Variants in DNAH2 observed in about 807,000 individuals in gnomAD.
DNAH2 encodes dynein axonemal heavy chain 2, also known as axonemal beta dynein heavy chain 2.
In DNAH2, 323 loss-of-function variants were observed where a neutral mutation model predicts 523.5. That is an observed-to-expected ratio of 0.62 (90% CI 0.56 to 0.68). The LOEUF (loss-of-function observed/expected upper bound fraction) is 0.68. DNAH2 is among the 30% of genes least tolerant of loss of function. DNAH2 has a pLI of 0.00. For synonymous variants in DNAH2, 2,093 were observed against 2,177.4 expected (o/e 0.96, Z 1.08); for missense variants, 4,907 against 5,701.5 (o/e 0.86, Z 4.49).
At chr17:7,752,196 A>C (rs1231673191) in intron 12 of DNAH2, among the ~76,000 whole-genome samples, 3 of 28,020 alleles carry the variant, frequency 1.1e-4, no homozygotes, top group African/African-American at 1.2e-4. Flanking sequence ...CACACACACA[A>C]TTTCTGATTA....
chr17:7,788,044 G>T lies in DNAH2; in HGVS notation c.6742-42G>T, dbSNP rs773252389. 5.0e-6 allele frequency: 8 copies of T among 1,613,350 alleles called. No homozygotes were observed. The Admixed American group carries it at 8.3e-5, about 17-fold the overall frequency. On this transcript the variant is annotated intron_variant, in intron 43 of 85. Coordinates refer to ENST00000572933, the MANE Select transcript of DNAH2 (RefSeq NM_020877.5). ...GGGAAAGTAACCAGGGTGGCTCCAG[G>T]ACACAAGGGTGAATGAAGAGCCCCT...
At chr17:7,805,434 A>G (rs776437075) in intron 61 of DNAH2, 41 bp downstream of exon 61, 3 of 1,612,874 alleles carry the variant, frequency 1.9e-6, no homozygotes, top group Non-Finnish European at 2.5e-6. Context: ...CCACTCACCC[A>G]GTGTTTATTG....
intron 50 of DNAH2, 68 bp from the exon 51 acceptor site, chr17:7,797,101 CAAAAAAA>C: frequency 4.6e-6 from 4 of 876,578 alleles, no homozygotes; most frequent in South Asian, 1.7e-5. Flanking sequence ...GACTCTGTCC[CAAAAAAA>C]AAAAAAAAAA....
At chr17:7,759,216 T>G in intron 15 of DNAH2, 92 bp downstream of exon 15, 7 of 1,554,062 alleles carry the variant, frequency 4.5e-6, no homozygotes, top group Non-Finnish European at 6.1e-6. Flanking sequence ...CCCTTTTTTC[T>G]TTTTTACCAG....
chr17:7,833,309 C>A, intron 85 of DNAH2, 70 bp from the exon 86 acceptor site: 5 of 1,608,422 alleles, frequency 3.1e-6, no homozygotes, highest in Non-Finnish European at 3.4e-6. Flanking sequence ...CCCACACCCG[C>A]TCCTGCCCTG....
At position 7,823,515 on chromosome 17, in the gene DNAH2, CAG is replaced by C; in HGVS notation, c.11219_11220del (p.Glu3740AlafsTer15). ...GCAGATGCCTACTGGGATAACATCA[CAG>C]AGCTAGACAAACTGACCAACTTCCA... On this transcript the variant is annotated frameshift_variant, in exon 74 of 86. Coordinates refer to ENST00000572933, the MANE Select transcript of DNAH2 (RefSeq NM_020877.5). LOFTEE classifies it high-confidence loss of function. 1 of 1,614,158 alleles carries C rather than the reference CAG, an allele frequency of 6.2e-7. No homozygotes were observed. Among genetic ancestry groups the C allele is most frequent in the Non-Finnish European group, 8.5e-7 (1 of 1,180,020 alleles).
intron 2 of DNAH2, among the ~76,000 whole-genome samples, chr17:7,722,300 C>T (rs1361546203): frequency 6.6e-6 from 1 of 152,130 alleles, no homozygotes; most frequent in Non-Finnish European, 1.5e-5. Context: ...CCATCGTGCC[C>T]GGCCCCCAGT....
chr17:7,830,302 C>T lies in DNAH2; in HGVS notation c.11856C>T (p.Gly3952=). 6.2e-7 allele frequency: 1 copy of T among 1,613,606 alleles called. No homozygotes were observed. The highest frequency in any genetic ancestry group is 1.1e-5 in the South Asian group (1 of 91,026). Reference sequence around the variant, plus strand: ...TCTTTATATTTCATTGTCCCCAGGGCCTAAAGGCCAACATGACACGTCTTT... The same window carrying T: ...TCTTTATATTTCATTGTCCCCAGGGTCTAAAGGCCAACATGACACGTCTTT... ...SIKMTTEPPK[G]LKANMTRLYQ... is the part of the protein sequence containing the mutation. Residue 3952 remains glycine, a splice_region_variant and synonymous_variant, in exon 78 of 86, where the codon GGC becomes GGT. Transcript: ENST00000572933.
At chr17:7,816,777 G>T in intron 64 of DNAH2, 42 bp downstream of exon 64, 1 of 1,600,548 alleles carries the variant, frequency 6.2e-7, no homozygotes, top group Non-Finnish European at 8.5e-7. Flanking sequence ...CACTCTGCTC[G>T]CCACTTCCGA....
rs761813189 is a variant in DNAH2 at position 7,787,933 on chromosome 17, A to G, written c.6677A>G (p.Tyr2226Cys). The change falls in exon 43 of 86, where the codon TAC (tyrosine) becomes TGC (cysteine). Residue 2226 changes from tyrosine to cysteine, a missense_variant. Physicochemically the swap from Tyr to Cys is radical, Grantham distance 194. Around this residue, in one of 3 missense-constraint regions of DNAH2, gnomAD observed 2,806 missense variants for 3,190.8 expected, o/e 0.88. Transcript: ENST00000572933. ...PATVSRCGMV[Y>C]TDYADLGWKP... ...ACTGTATCCCGCTGCGGGATGGTCT[A>G]CACTGACTACGCTGACCTGGGCTGG... 11 of 1,614,228 alleles carry G rather than the reference A, an allele frequency of 6.8e-6. No homozygotes were observed. In the Admixed American group the frequency reaches 1.7e-4, roughly 24 times the overall value.
Position 7,830,832 on chromosome 17 carries a change from C to T in DNAH2, c.12220C>T (p.Pro4074Ser), listed in dbSNP as rs760498920. Residue 4074 changes from proline (P) to serine (S), a missense_variant, in exon 79 of 86, where the codon CCC becomes TCC. Pro to Ser is a moderately conservative substitution (Grantham distance 74). Around this residue, in one of 3 missense-constraint regions of DNAH2, gnomAD observed 1,851 missense variants for 2,139.4 expected, o/e 0.87. Coordinates refer to ENST00000572933, the MANE Select transcript of DNAH2 (RefSeq NM_020877.5). The part of the protein sequence containing the change: ...DYFCDQSLST[P>S]FHRLSALETY... ...TTTCTGTGACCAGTCTCTATCAACT[C>T]CCTTCCACCGGTGAGGGGGAGGTGG... is the stretch of plus-strand genomic sequence containing the variant. 6.2e-7 allele frequency: 1 copy of T among 1,613,886 alleles called. No homozygotes were observed. The highest frequency in any genetic ancestry group is 2.2e-5 in the East Asian group (1 of 44,906).
intron 24 of DNAH2, 88 bp downstream of exon 24, chr17:7,768,355 G>A: frequency 7.8e-7 from 1 of 1,282,214 alleles, no homozygotes; most frequent in Non-Finnish European, 1.1e-6. Flanking sequence ...TCTCCGCAGT[G>A]TTCACAGCCC....
chr17:7,767,290 A>G (rs764020138), intron 22 of DNAH2, among the ~76,000 whole-genome samples: 2 of 152,072 alleles, frequency 1.3e-5, no homozygotes, highest in Non-Finnish European at 2.9e-5. Context: ...CTGAATATTC[A>G]TATTTGAATA....
chr17:7,830,311 C>G lies in DNAH2; in HGVS notation c.11865C>G (p.Ala3955=). 6.2e-7 allele frequency: 1 copy of G among 1,614,000 alleles called. No homozygotes were observed. Among genetic ancestry groups the G allele is most frequent in the Non-Finnish European group, 8.5e-7 (1 of 1,179,978 alleles). The change falls in exon 78 of 86, where the codon GCC becomes GCG. Residue 3955 remains alanine, a synonymous_variant. Coordinates refer to ENST00000572933, the MANE Select transcript of DNAH2 (RefSeq NM_020877.5). ...MTTEPPKGLK[A]NMTRLYQLMS... is the part of the protein sequence containing the mutation. ...TTCATTGTCCCCAGGGCCTAAAGGC[C>G]AACATGACACGTCTTTACCAACTGA...
rs11867551 is a variant in DNAH2, at chr17:7,727,187, T to C, written c.294T>C (p.His98=). ...GLADAVWTQE[H]DAILEHFAQD... is the part of the protein sequence containing the mutation. ...CGGATGCAGTGTGGACACAGGAGCATGATGCCATTCTGGAACACTTTGCCC... is the reference window on the plus strand; with the variant it reads ...CGGATGCAGTGTGGACACAGGAGCACGATGCCATTCTGGAACACTTTGCCC... The change falls in exon 4 of 86, where the codon CAT becomes CAC. Residue 98 remains histidine, a synonymous_variant. Transcript: ENST00000572933. 0.16 allele frequency: 249,656 copies of C among 1,607,788 alleles called. 20,757 individuals are homozygous for C. The highest frequency in any genetic ancestry group is 0.17 in the Non-Finnish European group (203,586 of 1,177,614).
rs969103748 is a variant in DNAH2 at position 7,832,233 on chromosome 17, C to T, written c.12727-346C>T. Among the ~76,000 whole-genome samples, 1 of 152,080 alleles carries T rather than the reference C, an allele frequency of 6.6e-6. No individual in the cohort carries two copies. The highest frequency in any genetic ancestry group is 2.1e-4 in the South Asian group (1 of 4,812). ...GCTCAAAATAAGGATTTGGGCTGGA[C>T]GCGGTGGCTCATGCCTGCAATCTCA... On this transcript the variant is annotated intron_variant, in intron 82 of 85. Transcript: ENST00000572933. The surrounding 1 kb of genome is among the most constrained non-coding windows in gnomAD (Gnocchi z 4.3).
intron 44 of DNAH2, among the ~76,000 whole-genome samples, chr17:7,791,222 C>T (rs1182529909): frequency 6.6e-6 from 1 of 151,968 alleles, no homozygotes; most frequent in Non-Finnish European, 1.5e-5. Flanking sequence ...TAACAGGCAC[C>T]ACCACACCCG....
In DNAH2 at chr17:7,831,965, C is replaced by T. The variant is rs980000116; in HGVS notation, c.12726+190C>T. ...TGACTTCATACAACTTATTAACTTA[C>T]AGACTCACTCAGGGAAAATTACTAA... is the stretch of plus-strand genomic sequence containing the variant. On this transcript the variant is annotated intron_variant, in intron 82 of 85. Coordinates refer to ENST00000572933, the MANE Select transcript of DNAH2 (RefSeq NM_020877.5). The surrounding 1 kb of genome is among the most constrained non-coding windows in gnomAD (Gnocchi z 4.2). Among the ~76,000 whole-genome samples the T allele has an allele frequency of 6.6e-6, 1 of 152,210 alleles. No homozygotes were observed. The highest frequency in any genetic ancestry group is 2.4e-5 in the African/African-American group (1 of 41,454).
intron 5 of DNAH2, among the ~76,000 whole-genome samples, 160 bp downstream of exon 5, chr17:7,733,475 C>CTTTTTTTTTTGTTTTTTTTTTTT (rs2075050947): frequency 8.8e-6 from 1 of 113,862 alleles, no homozygotes; most frequent in Non-Finnish European, 1.9e-5. Flanking sequence ...CCTTCTTCTT[C>CTTTTTTTTTTGTTTTTTTTTTTT]TTTTTTTTTT....
Sources: gnomAD v4.1 joint callset for allele counts (sites outside exome capture counted in the v4.1 genomes callset) on GRCh38, gnomAD v4.1.1 for gene constraint, gnomAD v4.1.1 regional missense constraint, Gnocchi (gnomAD v3.1) non-coding constraint, MANE v1.5 for transcripts, NCBI Gene and HGNC (gene_info 2026-07-23, HGNC 2026-07-21) for gene names.